Variants in PRDM8 observed in about 807,000 individuals in gnomAD.
PRDM8 encodes the protein PR domain zinc finger protein 8.
PRDM8 carries 13 observed loss-of-function variants against 46.5 expected under a neutral mutation model. That is an observed-to-expected ratio of 0.28 (90% confidence interval 0.18 to 0.44). The LOEUF (loss-of-function observed/expected upper bound fraction) is 0.44. Ranked by LOEUF, PRDM8 falls within the 20% of genes least tolerant of loss-of-function variation. The pLI is 1.00. For synonymous variants in PRDM8, 473 were observed against 438.4 expected, an observed-to-expected ratio of 1.08 and a Z score of -0.98; for missense variants, 998 against 955.0, an observed-to-expected ratio of 1.04 and a Z score of -0.59.
At chr4:80,197,449 G>A, upstream of PRDM8, 3 of 985,810 alleles carry the variant, frequency 3.0e-6, no homozygotes, top group Non-Finnish European at 3.6e-6. Flanking sequence ...GCTGTCACGC[G>A]TCATTGGGCA....
At position 80,202,368 on chromosome 4, in the gene PRDM8, C is replaced by G. The variant is rs1246285910; in HGVS notation, c.906C>G (p.Pro302=). ...GCCACCAGGAGGCGGAGCTGAGTCCCGACGGCATCGCCACGGGCGGCGGCA... is the reference window on the plus strand; with the variant it reads ...GCCACCAGGAGGCGGAGCTGAGTCCGGACGGCATCGCCACGGGCGGCGGCA... ...GGGHQEAELS[P]DGIATGGGKG... is the part of the protein sequence containing the mutation. Residue 302 remains proline (P), a synonymous_variant, in exon 4 of 4, where the codon CCC becomes CCG. Coordinates refer to ENST00000415738, the MANE Select transcript of PRDM8 (RefSeq NM_001099403.2). 4 of 1,593,840 alleles carry G rather than the reference C, an allele frequency of 2.5e-6. No homozygotes were observed. The highest frequency in any genetic ancestry group is 3.4e-6 in the Non-Finnish European group (4 of 1,170,534).
rs1249390937 is a variant in PRDM8 at position 80,202,583 on chromosome 4, C to G, written c.1121C>G (p.Pro374Arg). 1.3e-6 allele frequency: 2 copies of G among 1,534,026 alleles called. No individual in the cohort carries two copies. Among genetic ancestry groups the G allele is most frequent in the Non-Finnish European group, 1.7e-6 (2 of 1,146,114 alleles). Residue 374 changes from proline (P) to arginine (R), a missense_variant, in exon 4 of 4, where the codon CCA becomes CGA. Coordinates refer to ENST00000415738, the MANE Select transcript of PRDM8 (RefSeq NM_001099403.2). ...GAGAACGGCCGCCTCTTCGCGCCGCCAAGTCCCGAGACGGGCGAGGCGAAG... is the reference window on the plus strand; with the variant it reads ...GAGAACGGCCGCCTCTTCGCGCCGCGAAGTCCCGAGACGGGCGAGGCGAAG... ...LEENGRLFAP[P>R]SPETGEAKRS...
intron 3 of PRDM8, 141 bp from the exon 4 acceptor site, chr4:80,201,773 C>T: frequency 2.3e-6 from 3 of 1,291,386 alleles, no homozygotes; most frequent in Non-Finnish European, 2.2e-6. Context: ...TTCTCAGGCA[C>T]TCAGGCCCTG....
rs1219581092 is a variant in PRDM8 at position 80,202,283 on chromosome 4, G to A, written c.821G>A (p.Gly274Asp). Reference protein sequence around the residue: ...LARELENSRGGSSCSPAQSLS... With the variant: ...LARELENSRGDSSCSPAQSLS... ...AGGGAGCTGGAAAACTCCCGGGGAG[G>A]CAGCAGCTGCTCCCCAGCCCAGAGC... The change falls in exon 4 of 4, where the codon GGC becomes GAC. Residue 274 changes from glycine to aspartate, a missense_variant. Transcript: ENST00000415738. The A allele has an allele frequency of 6.2e-7, 1 of 1,610,524 alleles. No individual in the cohort carries two copies. Among genetic ancestry groups the A allele is most frequent in the Admixed American group, 1.7e-5 (1 of 59,888 alleles).
intron 1 of PRDM8, among the ~76,000 whole-genome samples, chr4:80,187,774 A>T (rs1737234521): frequency 6.6e-6 from 1 of 151,440 alleles, no homozygotes; most frequent in African/African-American, 2.4e-5. Flanking sequence ...GAGTAATGTC[A>T]CCCCCCTTCC....
intron 1 of PRDM8, among the ~76,000 whole-genome samples, chr4:80,190,412 T>G (rs1737453994): frequency 1.3e-5 from 2 of 152,232 alleles, no homozygotes; most frequent in South Asian, 4.1e-4. Flanking sequence ...TGCCCCACAT[T>G]CACGGTTTGC....
chr4:80,193,663 A>T (rs1578248597), upstream of PRDM8, among the ~76,000 whole-genome samples: 1 of 152,246 alleles, frequency 6.6e-6, no homozygotes, highest in East Asian at 1.9e-4. Context: ...CTCCTTGAAG[A>T]TCTATTCTCT....
chr4:80,199,008 T>TTTTTTTTTTTTTG (rs1738214351), intron 1 of PRDM8, among the ~76,000 whole-genome samples: 1 of 134,212 alleles, frequency 7.5e-6, no homozygotes. Flanking sequence ...TTTTTTTTTT[T>TTTTTTTTTTTTTG]TTTTTTTTTT....
intron 1 of PRDM8, among the ~76,000 whole-genome samples, chr4:80,186,643 C>G (rs1370574666): frequency 6.6e-6 from 1 of 152,160 alleles, no homozygotes; most frequent in East Asian, 1.9e-4. Context: ...CACAGCTACA[C>G]CCTGGCCTCT....
intron 2 of PRDM8, among the ~76,000 whole-genome samples, 185 bp from the exon 3 acceptor site, chr4:80,201,105 G>A (rs1738406225): frequency 6.6e-6 from 1 of 152,182 alleles, no homozygotes; most frequent in South Asian, 2.1e-4. Flanking sequence ...TGGTTATCTT[G>A]CCTAATGGTT....
chr4:80,191,911 C>T (rs1036749673), intron 2 of PRDM8, among the ~76,000 whole-genome samples: 3 of 152,170 alleles, frequency 2.0e-5, no homozygotes, highest in African/African-American at 7.2e-5. Context: ...AGAAATTGAA[C>T]CATATTTCCA....
At chr4:80,201,615 T>A (rs1738454549) in intron 3 of PRDM8, 94 bp downstream of exon 3, 2 of 1,281,680 alleles carry the variant, frequency 1.6e-6, no homozygotes, top group Admixed American at 4.1e-5. Context: ...GGCGCGCCTT[T>A]CTTCCCTTCG....
At chr4:80,201,755 T>G (rs1738473042) in intron 3 of PRDM8, among the ~76,000 whole-genome samples, 159 bp from the exon 4 acceptor site, 1 of 152,122 alleles carries the variant, frequency 6.6e-6, no homozygotes, top group African/African-American at 2.4e-5. Context: ...ATCAGGTTGG[T>G]CATTCTTTTC....
rs932918812 is a variant in PRDM8 at position 80,202,870 on chromosome 4, G to A, written c.1408G>A (p.Gly470Ser). The A allele has an allele frequency of 1.7e-5, 21 of 1,263,640 alleles. No homozygotes were observed. In the African/African-American group the frequency reaches 2.8e-4, roughly 17 times the overall value. The allele number at this position is 1,263,640 out of a possible 1,614,324, so 78.3% of individuals were successfully genotyped here. A position where few individuals can be genotyped will look rare whatever the true frequency, so the allele number is the denominator to read the frequency against. ...TTCGGTGCCGCAGCTGGGCAGCGCGGGCAGCACCAGCGGTGGGGGCGGAAC... is the reference window on the plus strand; with the variant it reads ...TTCGGTGCCGCAGCTGGGCAGCGCGAGCAGCACCAGCGGTGGGGGCGGAAC... ...FTSVPQLGSA[G>S]STSGGGGTGA... Residue 470 changes from glycine (G) to serine (S), a missense_variant, in exon 4 of 4, where the codon GGC (glycine) becomes AGC (serine). By Grantham distance (56) the Gly-to-Ser change is moderately conservative. Transcript: ENST00000415738.
At chr4:80,187,744 C>A (rs1173083447) in intron 1 of PRDM8, among the ~76,000 whole-genome samples, 1 of 152,178 alleles carries the variant, frequency 6.6e-6, no homozygotes, top group Non-Finnish European at 1.5e-5. Flanking sequence ...CTCCTCCTGT[C>A]CTCGGAGTCT....
chr4:80,197,207 A>G (rs988750374), upstream of PRDM8: 6 of 985,404 alleles, frequency 6.1e-6, no homozygotes, highest in Non-Finnish European at 7.2e-6. Context: ...GGCCCTCTCC[A>G]ATCATTTTGG....
chr4:80,187,724 C>G (rs1329864080), intron 1 of PRDM8, among the ~76,000 whole-genome samples: 1 of 152,164 alleles, frequency 6.6e-6, no homozygotes, highest in East Asian at 1.9e-4. Context: ...CAGGGGGATG[C>G]AACCTCCTGC....
intron 1 of PRDM8, among the ~76,000 whole-genome samples, chr4:80,191,285 G>T (rs1425192375): frequency 6.6e-6 from 1 of 152,136 alleles, no homozygotes; most frequent in Admixed American, 6.5e-5. Flanking sequence ...AGTTATTCAG[G>T]CCTAAGTTAA....
chr4:80,202,533 C>T lies in PRDM8; in HGVS notation c.1071C>T (p.Ala357=). Residue 357 remains alanine, a synonymous_variant, in exon 4 of 4, where the codon GCC becomes GCT. Transcript: ENST00000415738. ...DLVCTPQQYR[A]SGSYFGLEEN... is the part of the protein sequence containing the mutation. ...TGTGCACACCGCAGCAGTACCGAGC[C>T]TCGGGCAGCTACTTCGGCCTGGAAG... The T allele has an allele frequency of 1.3e-6, 2 of 1,536,480 alleles. No individual in the cohort carries two copies. The highest frequency in any genetic ancestry group is 1.4e-5 in the African/African-American group (1 of 73,052).
Sources: allele counts gnomAD v4.1 joint callset (sites outside exome capture counted in the v4.1 genomes callset), GRCh38; gene constraint gnomAD v4.1.1; transcripts MANE v1.5; gene names NCBI Gene and HGNC (gene_info 2026-07-23, HGNC 2026-07-21).